The following PTBP2 variants were observed in gnomAD, a reference collection of about 807,000 sequenced individuals.
PTBP2 encodes polypyrimidine tract binding protein 2, also known as polypyrimidine tract-binding protein 2.
PTBP2 carries 13 observed loss-of-function variants against 61.4 expected under a neutral mutation model. That is an observed-to-expected ratio of 0.21 (90% CI 0.14 to 0.34). The LOEUF is 0.34. Ranked by LOEUF, PTBP2 falls within the 10% of genes least tolerant of loss-of-function variation. The probability of loss-of-function intolerance (pLI) is 1.00; values close to 1 mark genes in which losing one functional copy is unlikely to be tolerated. For synonymous variants in PTBP2, 215 were observed against 218.5 expected, an observed-to-expected ratio of 0.98 and a Z score of 0.14; for missense variants, 405 against 642.6, an observed-to-expected ratio of 0.63 and a Z score of 4.00.
chr1:96,726,044 CA>C (rs1213161247), intron 2 of PTBP2, among the ~76,000 whole-genome samples: 1 of 126,506 alleles, frequency 7.9e-6, no homozygotes. Flanking sequence ...CACTGCACTC[CA>C]GCCTGGGCGA....
intron 2 of PTBP2, among the ~76,000 whole-genome samples, chr1:96,745,943 G>C (rs561441890): frequency 6.6e-6 from 1 of 152,072 alleles, no homozygotes; most frequent in African/African-American, 2.4e-5. Context: ...GTGGGTGCCT[G>C]TAGTCCCAGC....
chr1:96,763,229 C>T (rs1328783767), intron 3 of PTBP2, among the ~76,000 whole-genome samples: 3 of 152,100 alleles, frequency 2.0e-5, no homozygotes, highest in Non-Finnish European at 4.4e-5. Flanking sequence ...AGGCAGGCGG[C>T]TGGGAGGTGG....
Position 96,770,760 on chromosome 1 carries a change from A to G in PTBP2, c.341A>G (p.Tyr114Cys), listed in dbSNP as rs926634474. 1.2e-6 allele frequency: 2 copies of G among 1,611,312 alleles called. No homozygotes were observed. The highest frequency in any genetic ancestry group is 1.7e-5 in the Admixed American group (1 of 59,976). ...EEAAITMVNYYSAVTPHLRNQ... is the reference protein window; with the variant it reads ...EEAAITMVNYCSAVTPHLRNQ... Reference sequence around the variant, plus strand: ...GCAGCTATTACTATGGTTAATTACTATTCTGCTGTGACACCTCATCTTCGT... The same window carrying G: ...GCAGCTATTACTATGGTTAATTACTGTTCTGCTGTGACACCTCATCTTCGT... Residue 114 changes from tyrosine (Y) to cysteine (C), a missense_variant, in exon 5 of 14, where the codon TAT (tyrosine) becomes TGT (cysteine). Around this residue, in one of 4 missense-constraint regions of PTBP2, gnomAD observed 342 missense variants for 491.2 expected, o/e 0.70. Transcript: ENST00000674951.
At chr1:96,795,455 A>G (rs1660282478) in intron 8 of PTBP2, among the ~76,000 whole-genome samples, 1 of 152,152 alleles carries the variant, frequency 6.6e-6, no homozygotes, top group Admixed American at 6.5e-5. Flanking sequence ...AGTTCTGTGG[A>G]GTTGTGAATT....
intron 3 of PTBP2, among the ~76,000 whole-genome samples, chr1:96,764,906 C>T (rs1004271791): frequency 6.6e-6 from 1 of 152,152 alleles, no homozygotes; most frequent in Non-Finnish European, 1.5e-5. Context: ...GACAACTACA[C>T]CACACAACTA....
rs569128710 is a variant in PTBP2, at chr1:96,797,369, A to C, written c.905-7431A>C. Among the ~76,000 whole-genome samples, 11 of 152,342 alleles carry C rather than the reference A, an allele frequency of 7.2e-5. No individual in the cohort carries two copies. The South Asian group carries it at 2.3e-3, about 32-fold the overall frequency. ...GTTAATCTGAGGAACAGGTAGAATA[A>C]AAGTGTAGTTGTTAGTGGTAGAAGA... On this transcript the variant is annotated intron_variant, in intron 8 of 13. Transcript: ENST00000674951.
intron 8 of PTBP2, among the ~76,000 whole-genome samples, chr1:96,789,772 T>TA (rs1659591804): frequency 6.6e-6 from 1 of 152,092 alleles, no homozygotes; most frequent in African/African-American, 2.4e-5. Flanking sequence ...CGCTGACACT[T>TA]AGTTTTATCT....
intron 5 of PTBP2, among the ~76,000 whole-genome samples, chr1:96,771,919 A>AT (rs1215137492): frequency 7.2e-5 from 11 of 152,150 alleles, no homozygotes; most frequent in Admixed American, 1.3e-4. Context: ...GGAATGTGGA[A>AT]AAACTGTTTT....
At chr1:96,733,205 C>T (rs79778065) in intron 2 of PTBP2, among the ~76,000 whole-genome samples, 1,705 of 147,332 alleles carry the variant, frequency 0.012, 21 homozygotes, top group South Asian at 0.056. Context: ...GCTTCATCTT[C>T]AAAGAAGGAA....
intron 2 of PTBP2, among the ~76,000 whole-genome samples, chr1:96,741,685 C>A (rs570089847): frequency 6.6e-6 from 1 of 152,054 alleles, no homozygotes; most frequent in Non-Finnish European, 1.5e-5. Context: ...AAACATTTAA[C>A]CTAAGGCCTT....
intron 8 of PTBP2, among the ~76,000 whole-genome samples, chr1:96,793,200 A>G (rs1049211249): frequency 1.3e-5 from 2 of 152,098 alleles, no homozygotes; most frequent in African/African-American, 4.8e-5. Context: ...GCCTCTTTAT[A>G]TGTGCAATTT....
At chr1:96,739,758 C>T (rs1345522059) in intron 2 of PTBP2, among the ~76,000 whole-genome samples, 3 of 150,884 alleles carry the variant, frequency 2.0e-5, no homozygotes, top group African/African-American at 7.3e-5. Context: ...GGACTACAGG[C>T]GCCCGCCACC....
chr1:96,818,840 C>G (rs967066903), downstream of PTBP2: 3 of 151,938 alleles, frequency 2.0e-5, no homozygotes, highest in African/African-American at 7.2e-5. Context: ...ATAAACAGTT[C>G]TAGAGATCAA....
At chr1:96,785,907 G>A (rs927107229) in intron 8 of PTBP2, among the ~76,000 whole-genome samples, 1 of 152,112 alleles carries the variant, frequency 6.6e-6, no homozygotes, top group Non-Finnish European at 1.5e-5. Flanking sequence ...AGTTGATAGC[G>A]TGGAATCAAG....
chr1:96,751,829 A>G (rs1654584033), intron 3 of PTBP2, among the ~76,000 whole-genome samples: 1 of 151,890 alleles, frequency 6.6e-6, no homozygotes, highest in Non-Finnish European at 1.5e-5. Context: ...GTGTCATATA[A>G]TATTTTTACT....
intron 8 of PTBP2, among the ~76,000 whole-genome samples, chr1:96,786,063 T>A (rs536703954): frequency 1.3e-5 from 2 of 152,360 alleles, no homozygotes; most frequent in East Asian, 3.9e-4. Context: ...GTCATGATTT[T>A]TATATATATG....
chr1:96,764,829 A>T (rs1656477438), intron 3 of PTBP2, among the ~76,000 whole-genome samples: 1 of 152,236 alleles, frequency 6.6e-6, no homozygotes, highest in African/African-American at 2.4e-5. Context: ...CTTCTTGTAT[A>T]TAAAGGTAGT....
rs1040238705 is a variant in PTBP2 at position 96,748,137 on chromosome 1, C to T, written c.40-3288C>T. On this transcript the variant is annotated intron_variant, in intron 2 of 13. Coordinates refer to ENST00000674951, the MANE Select transcript of PTBP2 (RefSeq NM_021190.4). The stretch of plus-strand genomic sequence containing the variant: ...GGAACTTAATATTTGTGTCCTTGCC[C>T]GGTGTCTTTCTGTCATGGTTCCCTA... Among the ~76,000 whole-genome samples the T allele has an allele frequency of 3.9e-5, 6 of 152,052 alleles. 1 individual carries two copies. The South Asian group carries it at 8.3e-4, about 21-fold the overall frequency.
At chr1:96,812,653 A>T (rs1662197690) in intron 11 of PTBP2, 59 bp from the exon 12 acceptor site, 2 of 1,315,542 alleles carry the variant, frequency 1.5e-6, no homozygotes, top group Admixed American at 4.3e-5. Context: ...ACGTTAAAAG[A>T]ATTATGTTTG....
Sources: allele counts gnomAD v4.1 joint callset (sites outside exome capture counted in the v4.1 genomes callset), GRCh38; gene constraint gnomAD v4.1.1; regional missense constraint gnomAD v4.1.1; transcripts MANE v1.5; gene names NCBI Gene and HGNC (gene_info 2026-07-23, HGNC 2026-07-21).